The following UHRF1 variants were observed in gnomAD, a reference collection of about 807,000 sequenced individuals.
UHRF1 encodes ubiquitin like with PHD and ring finger domains 1.
In UHRF1, 9 loss-of-function variants were observed where a neutral mutation model predicts 96.5. The observed-to-expected ratio is 0.09, with a 90% CI of 0.06 to 0.16. The LOEUF (loss-of-function observed/expected upper bound fraction) is 0.16, where lower values mean the gene tolerates loss of function less well. Ranked by LOEUF, UHRF1 falls within the 10% of genes least tolerant of loss-of-function variation. The probability of loss-of-function intolerance (pLI) is 1.00; values close to 1 mark genes in which losing one functional copy is unlikely to be tolerated. For synonymous variants in UHRF1, 455 were observed against 469.9 expected, an observed-to-expected ratio of 0.97 and a Z score of 0.41; for missense variants, 626 against 1,131.1, an observed-to-expected ratio of 0.55 and a Z score of 6.40.
chr19:4,958,471 G>A lies in UHRF1; in HGVS notation c.2235+1658G>A, dbSNP rs569736521. On this transcript the variant is annotated intron_variant, in intron 16 of 16. Transcript: ENST00000650932. The stretch of plus-strand genomic sequence containing the variant: ...GAGGGAGGCCTGGGAGCCCCGTGGC[G>A]GTAGGAAGGACTGTGGGGACATTGG... Among the ~76,000 whole-genome samples the A allele has an allele frequency of 8.5e-5, 13 of 152,306 alleles. No homozygotes were observed. In the East Asian group the frequency reaches 1.9e-3, roughly 23 times the overall value.
chr19:4,941,694 C>G, intron 6 of UHRF1, 51 bp from the exon 7 acceptor site: 1 of 1,568,918 alleles, frequency 6.4e-7, no homozygotes, highest in Non-Finnish European at 8.6e-7. Context: ...CTTGTCCCGT[C>G]TCTGGCTTGG....
rs556744763 is a variant in UHRF1, at chr19:4,942,497, G to A, written c.1073+566G>A. ...GAGCCACCTCGCCCAGCCTTGAGAC[G>A]GAGTCTAATGGCACGATCTTGGCTC... On this transcript the variant is annotated intron_variant, in intron 7 of 16. Coordinates refer to ENST00000650932, the MANE Select transcript of UHRF1 (RefSeq NM_001048201.3). Among the ~76,000 whole-genome samples the A allele has an allele frequency of 6.6e-5, 10 of 151,718 alleles. No homozygotes were observed. The South Asian group carries it at 1.0e-3, about 16-fold the overall frequency.
intron 13 of UHRF1, among the ~76,000 whole-genome samples, chr19:4,953,797 G>C (rs1363774355): frequency 6.6e-6 from 1 of 152,156 alleles, no homozygotes; most frequent in African/African-American, 2.4e-5. Flanking sequence ...TGTAATCCCA[G>C]CATTTTGGAT....
chr19:4,908,128 C>G (rs957608551), upstream of UHRF1, among the ~76,000 whole-genome samples: 1 of 152,186 alleles, frequency 6.6e-6, no homozygotes, highest in African/African-American at 2.4e-5. Flanking sequence ...ACCTGGATCA[C>G]CCAGGAGACG....
At chr19:4,906,859 C>T (rs1041933036), upstream of UHRF1, among the ~76,000 whole-genome samples, 17 of 152,230 alleles carry the variant, frequency 1.1e-4, no homozygotes, top group Non-Finnish European at 1.5e-5. Context: ...TAGAAATAGG[C>T]TAGGTTCCTG....
At chr19:4,910,118 C>G (rs1253495926) in intron 1 of UHRF1, 2 of 151,756 alleles carry the variant, frequency 1.3e-5, no homozygotes, top group African/African-American at 4.9e-5. Context: ...GGGGCCCCCT[C>G]TGTAGTCCCG....
Position 4,929,082 on chromosome 19 carries a change from G to A in UHRF1, c.154-140G>A, listed in dbSNP as rs192197464. The A allele has an allele frequency of 5.0e-3, 6,196 of 1,233,068 alleles. 29 individuals carry two copies. The highest frequency in any genetic ancestry group is 0.021 in the Admixed American group (885 of 42,492). The allele number at this position is 1,233,068 out of a possible 1,614,324, so 76.4% of individuals were successfully genotyped here. A position where few individuals can be genotyped will look rare whatever the true frequency, so the allele number is the denominator to read the frequency against. On this transcript the variant is annotated intron_variant, in intron 2 of 16. Transcript: ENST00000650932. The stretch of plus-strand genomic sequence containing the variant: ...GGGACAGCCCCCTGGCATGGCCCAG[G>A]TATCATGGCTCTTTACTCTGATGCA...
At chr19:4,919,183 A>G (rs866543261) in intron 2 of UHRF1, among the ~76,000 whole-genome samples, 2 of 150,862 alleles carry the variant, frequency 1.3e-5, no homozygotes, top group African/African-American at 4.9e-5. Flanking sequence ...TTTTATAGTG[A>G]TGGGTTTTGC....
At chr19:4,941,989 G>A (rs1439372511) in intron 7 of UHRF1, 58 bp downstream of exon 7, 2 of 1,420,516 alleles carry the variant, frequency 1.4e-6, no homozygotes, top group African/African-American at 1.4e-5. Context: ...AATCCCCAGA[G>A]GGGCACTGAG....
chr19:4,946,041 T>A (rs1161233931), intron 10 of UHRF1, 76 bp downstream of exon 10: 1 of 1,172,734 alleles, frequency 8.5e-7, no homozygotes, highest in African/African-American at 1.6e-5. Context: ...TAGAACAAAA[T>A]TTCCCATCCT....
intron 7 of UHRF1, among the ~76,000 whole-genome samples, chr19:4,942,320 A>T (rs1360280912): frequency 6.6e-6 from 1 of 151,822 alleles, no homozygotes; most frequent in Non-Finnish European, 1.5e-5. Context: ...CCTCCCGAGT[A>T]GCTGGGACTA....
upstream of UHRF1, among the ~76,000 whole-genome samples, chr19:4,907,087 C>G (rs2032079559): frequency 6.6e-6 from 1 of 152,190 alleles, no homozygotes; most frequent in Non-Finnish European, 1.5e-5. Flanking sequence ...TGACAAAGGA[C>G]CACAAACTCA....
intron 1 of UHRF1, among the ~76,000 whole-genome samples, chr19:4,904,136 C>T (rs2032010909): frequency 1.3e-5 from 2 of 151,872 alleles, no homozygotes; most frequent in South Asian, 4.2e-4. Flanking sequence ...GGGTTACAGG[C>T]ACCTGCCCCC....
At chr19:4,911,995 G>A (rs2032297735) in intron 2 of UHRF1, among the ~76,000 whole-genome samples, 1 of 152,150 alleles carries the variant, frequency 6.6e-6, no homozygotes, top group African/African-American at 2.4e-5. Context: ...TAAACACTGC[G>A]CCCGGCCAGG....
rs1333456887 is a variant in UHRF1 at position 4,944,333 on chromosome 19, C to G, written c.1198-10C>G. On this transcript the variant is annotated splice_polypyrimidine_tract_variant and intron_variant, in intron 8 of 16. Transcript: ENST00000650932. ...CACGCTGTTGTTCTTTGTGTCTGTG[C>G]CTGGGACAGGGCATGGCCTGTGTGG... is the stretch of plus-strand genomic sequence containing the variant. 3.7e-6 allele frequency: 6 copies of G among 1,614,016 alleles called. No homozygotes were observed. The highest frequency in any genetic ancestry group is 1.7e-5 in the Admixed American group (1 of 60,028).
At chr19:4,909,907 G>T (rs1016865180) in intron 1 of UHRF1, among the ~76,000 whole-genome samples, 1 of 151,340 alleles carries the variant, frequency 6.6e-6, no homozygotes, top group African/African-American at 2.4e-5. Context: ...AGGGCCTGGC[G>T]AGCCGCCGGG....
intron 16 of UHRF1, among the ~76,000 whole-genome samples, chr19:4,958,788 A>G (rs1430913475): frequency 6.6e-6 from 1 of 151,988 alleles, no homozygotes; most frequent in East Asian, 1.9e-4. Flanking sequence ...CCCGGGCAAC[A>G]TGGTGAAACC....
intron 5 of UHRF1, among the ~76,000 whole-genome samples, chr19:4,933,991 GTGTGTGATAAA>G (rs1234106589): frequency 5.5e-5 from 8 of 144,968 alleles, no homozygotes; most frequent in Non-Finnish European, 1.1e-4. Context: ...GTGTGTGTGT[GTGTGTGATAAA>G]ATGTATGTAA....
Position 4,941,523 on chromosome 19 carries a change from T to C in UHRF1, c.786-5T>C. 6.2e-7 allele frequency: 1 copy of C among 1,611,840 alleles called. No individual in the cohort carries two copies. Among genetic ancestry groups the C allele is most frequent in the Non-Finnish European group, 8.5e-7 (1 of 1,178,828 alleles). On this transcript the variant is annotated splice_polypyrimidine_tract_variant and splice_region_variant and intron_variant, in intron 5 of 16. Transcript: ENST00000650932. ...AGAATGTTCCAGCGTCCTCGTTCCT[T>C]GCAGGGATGATTCTCTGAACGACTG...
Sources: allele counts gnomAD v4.1 joint callset (sites outside exome capture counted in the v4.1 genomes callset), GRCh38; gene constraint gnomAD v4.1.1; transcripts MANE v1.5; gene names NCBI Gene and HGNC (gene_info 2026-07-23, HGNC 2026-07-21).